The following LMBRD1 variants were observed in gnomAD, a reference collection of about 807,000 sequenced individuals.
The protein encoded by LMBRD1 is LMBR1 domain containing 1.
In LMBRD1, 64 loss-of-function variants were observed where a neutral mutation model predicts 74.8. The ratio of observed to expected loss-of-function variants is 0.86; its 90% CI spans 0.70 to 1.05. The LOEUF (loss-of-function observed/expected upper bound fraction) is 1.05. Among genes scored for constraint, LMBRD1 ranks in the 50% least tolerant of loss-of-function variants. LMBRD1 has a pLI of 0.00. For missense variants in LMBRD1, 652 were observed against 645.9 expected (o/e 1.01, Z -0.10); for synonymous variants, 204 against 216.3 (o/e 0.94, Z 0.50).
intron 14 of LMBRD1, among the ~76,000 whole-genome samples, chr6:69,684,989 G>T (rs1305836331): frequency 1.3e-5 from 2 of 152,062 alleles, no homozygotes; most frequent in Non-Finnish European, 2.9e-5. Context: ...GGGAGACAAA[G>T]ATATATTTTC....
chr6:69,762,063 G>C (rs1297557895), intron 3 of LMBRD1, among the ~76,000 whole-genome samples: 1 of 152,150 alleles, frequency 6.6e-6, no homozygotes, highest in Non-Finnish European at 1.5e-5. Context: ...ACACAGCCAG[G>C]TTTACACAAG....
intron 14 of LMBRD1, among the ~76,000 whole-genome samples, chr6:69,685,197 G>A (rs192363172): frequency 1.3e-5 from 2 of 152,208 alleles, no homozygotes; most frequent in African/African-American, 2.4e-5. Flanking sequence ...AAGAAGATCC[G>A]GATTCTGACT....
intron 14 of LMBRD1, among the ~76,000 whole-genome samples, chr6:69,692,345 C>T (rs868030024): frequency 6.6e-6 from 1 of 152,094 alleles, no homozygotes; most frequent in Non-Finnish European, 1.5e-5. Context: ...AATAAAACCA[C>T]AAAAATCAAC....
chr6:69,744,407 G>A (rs1767172966), intron 5 of LMBRD1, among the ~76,000 whole-genome samples: 1 of 152,148 alleles, frequency 6.6e-6, no homozygotes, highest in South Asian at 2.1e-4. Flanking sequence ...GCATAAATGG[G>A]TTAAAATACA....
intron 3 of LMBRD1, among the ~76,000 whole-genome samples, chr6:69,772,889 A>G (rs1765605093): frequency 6.6e-6 from 1 of 152,128 alleles, no homozygotes; most frequent in Non-Finnish European, 1.5e-5. Flanking sequence ...AACAGAGAAA[A>G]TTTCTCTTGT....
chr6:69,766,165 T>C (rs1245069621), intron 3 of LMBRD1, among the ~76,000 whole-genome samples: 1 of 151,850 alleles, frequency 6.6e-6, no homozygotes, highest in Non-Finnish European at 1.5e-5. Flanking sequence ...TTTATTTATT[T>C]AGACTTATCA....
At chr6:69,696,953 C>T (rs1239440340) in intron 14 of LMBRD1, among the ~76,000 whole-genome samples, 1 of 151,390 alleles carries the variant, frequency 6.6e-6, no homozygotes, top group Non-Finnish European at 1.5e-5. Flanking sequence ...AATCAGGAAT[C>T]CTTAATCAGA....
At chr6:69,707,110 T>C (rs1766276159) in intron 9 of LMBRD1, among the ~76,000 whole-genome samples, 1 of 152,186 alleles carries the variant, frequency 6.6e-6, no homozygotes, top group African/African-American at 2.4e-5. Flanking sequence ...TTGTTAGCTA[T>C]CATTTGGGAA....
chr6:69,755,966 T>C (rs1307824594), intron 3 of LMBRD1, among the ~76,000 whole-genome samples: 1 of 152,236 alleles, frequency 6.6e-6, no homozygotes, highest in African/African-American at 2.4e-5. Flanking sequence ...GTTACCATTA[T>C]ATTTAATTAG....
intron 7 of LMBRD1, among the ~76,000 whole-genome samples, chr6:69,721,124 G>A (rs112039789): frequency 1.7e-3 from 258 of 152,284 alleles, no homozygotes; most frequent in African/African-American, 4.5e-3. Context: ...TGCCACTGTG[G>A]GCAAAATGCT....
chr6:69,724,293 G>GA (rs1193930411), intron 7 of LMBRD1, among the ~76,000 whole-genome samples: 1 of 140,250 alleles, frequency 7.1e-6, no homozygotes, highest in Non-Finnish European at 1.5e-5. Context: ...GGAGGAGGAG[G>GA]AAATAGTTCT....
At chr6:69,791,663 T>C (rs901715308) in intron 1 of LMBRD1, among the ~76,000 whole-genome samples, 5 of 152,188 alleles carry the variant, frequency 3.3e-5, no homozygotes, top group African/African-American at 1.2e-4. Context: ...ATGAAACTAA[T>C]AAAACCACCA....
At chr6:69,776,643 A>T (rs1765711953) in intron 3 of LMBRD1, among the ~76,000 whole-genome samples, 1 of 152,230 alleles carries the variant, frequency 6.6e-6, no homozygotes, top group South Asian at 2.1e-4. Flanking sequence ...CCATGGAGTC[A>T]ATGCTTAGCC....
chr6:69,741,801 G>T lies in LMBRD1; in HGVS notation c.550C>A (p.Leu184Ile). Residue 184 changes from leucine to isoleucine, a missense_variant, in exon 6 of 16, where the codon CTT becomes ATT. Leu to Ile is a conservative substitution (Grantham distance 5, BLOSUM62 2). This residue lies in a region of LMBRD1 where 598 missense variants were observed against 581.8 expected (regional missense o/e 1.03). Transcript: ENST00000649934. Reference protein sequence around the residue: ...WEKVKSLFEELGSSHGLAALS... With the variant: ...WEKVKSLFEEIGSSHGLAALS... ...AAACAATACTTACGACTACTTCCAA[G>T]TTCTTCAAATAGGGACTTCACTTTT... 6.3e-7 allele frequency: 1 copy of T among 1,588,050 alleles called. No individual in the cohort carries two copies. The highest frequency in any genetic ancestry group is 8.6e-7 in the Non-Finnish European group (1 of 1,156,646).
chr6:69,723,261 C>T (rs1029413828), intron 7 of LMBRD1, among the ~76,000 whole-genome samples: 1 of 152,074 alleles, frequency 6.6e-6, no homozygotes, highest in Non-Finnish European at 1.5e-5. Flanking sequence ...GGACAGATCT[C>T]TCAGACAGAA....
intron 3 of LMBRD1, among the ~76,000 whole-genome samples, chr6:69,762,225 G>A (rs954828684): frequency 6.6e-6 from 1 of 152,164 alleles, no homozygotes; most frequent in Non-Finnish European, 1.5e-5. Flanking sequence ...CTGCTACTAT[G>A]AACATCTTTG....
chr6:69,701,919 A>G lies in LMBRD1; in HGVS notation c.950T>C (p.Leu317Ser). 6.2e-7 allele frequency: 1 copy of G among 1,601,702 alleles called. No individual in the cohort carries two copies. The highest frequency in any genetic ancestry group is 8.6e-7 in the Non-Finnish European group (1 of 1,169,582). Residue 317 changes from leucine to serine, a missense_variant, in exon 10 of 16, where the codon TTG (leucine) becomes TCG (serine). Physicochemically the swap from Leu to Ser is moderately radical, Grantham distance 145. Around this residue, in one of 3 missense-constraint regions of LMBRD1, gnomAD observed 598 missense variants for 581.8 expected, o/e 1.03. Transcript: ENST00000649934. ...CAAGAAGAGAGAAATTACAAACAGC[A>G]ATGCAACTAAGATGAAAAATATTCC... ...VWGIFFILVALLFVISLFLSN... is the reference protein window; with the variant it reads ...VWGIFFILVASLFVISLFLSN...
chr6:69,742,139 T>C (rs936610767), intron 5 of LMBRD1, among the ~76,000 whole-genome samples: 2 of 152,126 alleles, frequency 1.3e-5, no homozygotes, highest in African/African-American at 4.8e-5. Flanking sequence ...TTAATAAAGC[T>C]GGTAAAAAAC....
intron 6 of LMBRD1, among the ~76,000 whole-genome samples, chr6:69,738,410 T>C (rs746769421): frequency 2.6e-4 from 40 of 152,252 alleles, no homozygotes; most frequent in Non-Finnish European, 2.1e-4. Flanking sequence ...ACCTTGACTC[T>C]TTCTCCCTTC....
Sources: allele counts gnomAD v4.1 joint callset (sites outside exome capture counted in the v4.1 genomes callset), GRCh38; gene constraint gnomAD v4.1.1; regional missense constraint gnomAD v4.1.1; transcripts MANE v1.5; gene names NCBI Gene and HGNC (gene_info 2026-07-23, HGNC 2026-07-21).